The following TRPS1 variants were observed in gnomAD, a reference collection of about 807,000 sequenced individuals.
The protein encoded by TRPS1 is transcriptional repressor GATA binding 1, also known as zinc finger transcription factor Trps1.
In TRPS1, 6 loss-of-function variants were observed where a neutral mutation model predicts 101.2. That is an observed-to-expected ratio of 0.06 (90% CI 0.03 to 0.12). The LOEUF (loss-of-function observed/expected upper bound fraction) is 0.12. Among genes scored for constraint, TRPS1 ranks in the 10% least tolerant of loss-of-function variants. The pLI is 1.00. For missense variants in TRPS1, 1,363 were observed against 1,567.0 expected (o/e 0.87, Z 2.20); for synonymous variants, 578 against 589.8 (o/e 0.98, Z 0.29).
At chr8:115,538,033 T>C (rs951030291) in intron 5 of TRPS1, among the ~76,000 whole-genome samples, 1 of 152,188 alleles carries the variant, frequency 6.6e-6, no homozygotes, top group Non-Finnish European at 1.5e-5. Context: ...TTACTTAACT[T>C]AGTGGTACAA....
chr8:115,639,547 T>C lies in TRPS1; in HGVS notation c.-121-15789A>G, dbSNP rs184645294. Among the ~76,000 whole-genome samples, 478 of 150,530 alleles carry C rather than the reference T, an allele frequency of 3.2e-3. 2 individuals are homozygous for C. Among genetic ancestry groups the C allele is most frequent in the Non-Finnish European group, 4.6e-3 (312 of 67,744 alleles). On this transcript the variant is annotated intron_variant, in intron 1 of 6. Coordinates refer to ENST00000395715, the MANE Select transcript of TRPS1 (RefSeq NM_014112.5). ...TAAAAATACAGTATAAATCAAATAATGGCCAGGCGTGGTGGTTCACGCCTG... is the reference window on the plus strand; with the variant it reads ...TAAAAATACAGTATAAATCAAATAACGGCCAGGCGTGGTGGTTCACGCCTG...
chr8:115,503,193 G>A (rs1302296275), intron 5 of TRPS1, among the ~76,000 whole-genome samples: 6 of 149,806 alleles, frequency 4.0e-5, no homozygotes, highest in African/African-American at 1.5e-4. Context: ...GGCAGAGCTT[G>A]CAGTGAGCCG....
chr8:115,630,932 A>T (rs1179685421), intron 1 of TRPS1, among the ~76,000 whole-genome samples: 1 of 152,090 alleles, frequency 6.6e-6, no homozygotes, highest in African/African-American at 2.4e-5. Flanking sequence ...ACAAGAGAAC[A>T]CAATCTACAA....
At position 115,595,342 on chromosome 8, in the gene TRPS1, C is replaced by T. The variant is rs1563630445; in HGVS notation, c.2097-7738G>A. On this transcript the variant is annotated intron_variant, in intron 4 of 6. Coordinates refer to ENST00000395715, the MANE Select transcript of TRPS1 (RefSeq NM_014112.5). ...GAGAAGAGAGTAGCAGGAACAAAGA[C>T]AAAAACAGAATTACAGATGGATTAT... Among the ~76,000 whole-genome samples the T allele has an allele frequency of 2.0e-5, 3 of 151,792 alleles. 1 individual carries two copies. The highest frequency in any genetic ancestry group is 2.0e-4 in the Admixed American group (3 of 15,254).
At chr8:115,585,688 C>T (rs1378986014) in intron 5 of TRPS1, among the ~76,000 whole-genome samples, 1 of 152,124 alleles carries the variant, frequency 6.6e-6, no homozygotes, top group Non-Finnish European at 1.5e-5. Context: ...AAATTGAACC[C>T]CCTCTTGAAG....
intron 5 of TRPS1, among the ~76,000 whole-genome samples, chr8:115,550,037 G>A (rs1294047379): frequency 5.9e-5 from 9 of 152,162 alleles, no homozygotes; most frequent in Admixed American, 2.6e-4. Context: ...CCAACATGGC[G>A]AAACCCCATC....
intron 5 of TRPS1, among the ~76,000 whole-genome samples, chr8:115,491,743 C>A (rs1020841958): frequency 6.6e-6 from 1 of 152,092 alleles, no homozygotes; most frequent in Non-Finnish European, 1.5e-5. Flanking sequence ...GATACTGCTG[C>A]CCACCCTCAA....
At chr8:115,614,250 C>T (rs988035391) in intron 3 of TRPS1, among the ~76,000 whole-genome samples, 3 of 152,144 alleles carry the variant, frequency 2.0e-5, no homozygotes, top group Non-Finnish European at 1.5e-5. Flanking sequence ...TTGAATAATG[C>T]TAAATTTGAT....
intron 5 of TRPS1, among the ~76,000 whole-genome samples, chr8:115,446,371 CT>C (rs1813737289): frequency 6.6e-6 from 1 of 151,632 alleles, no homozygotes; most frequent in African/African-American, 2.4e-5. Flanking sequence ...GTTTCTTCCC[CT>C]GATCTCACAC....
chr8:115,645,074 A>G (rs1818993563), intron 1 of TRPS1, among the ~76,000 whole-genome samples: 1 of 152,218 alleles, frequency 6.6e-6, no homozygotes, highest in Admixed American at 6.5e-5. Flanking sequence ...TGACAAAGAG[A>G]CATAAGGTAA....
At chr8:115,567,076 T>C (rs1173307829) in intron 5 of TRPS1, among the ~76,000 whole-genome samples, 1 of 152,158 alleles carries the variant, frequency 6.6e-6, no homozygotes, top group Non-Finnish European at 1.5e-5. Flanking sequence ...TTGCCAACTA[T>C]GGCAGTTTAC....
intron 5 of TRPS1, among the ~76,000 whole-genome samples, chr8:115,500,178 C>A (rs1815279476): frequency 6.6e-6 from 1 of 151,722 alleles, no homozygotes; most frequent in Non-Finnish European, 1.5e-5. Context: ...TATAGGCACG[C>A]AGCACCACGC....
intron 3 of TRPS1, among the ~76,000 whole-genome samples, chr8:115,617,754 A>T (rs1175763091): frequency 6.6e-6 from 1 of 152,200 alleles, no homozygotes; most frequent in Non-Finnish European, 1.5e-5. Flanking sequence ...CAGTGAAATG[A>T]TCTTTAATAG....
At chr8:115,515,249 T>A (rs1301765313) in intron 5 of TRPS1, 1 of 698,210 alleles carries the variant, frequency 1.4e-6, no homozygotes, top group East Asian at 2.7e-5. Context: ...AAGACTAAAC[T>A]GCTCTTCGGG....
At chr8:115,442,712 A>T (rs1482232002) in intron 5 of TRPS1, among the ~76,000 whole-genome samples, 1 of 152,068 alleles carries the variant, frequency 6.6e-6, no homozygotes, top group African/African-American at 2.4e-5. Flanking sequence ...CTGTAATTCC[A>T]GCACTTTGGG....
intron 1 of TRPS1, among the ~76,000 whole-genome samples, chr8:115,650,317 C>G (rs1391597720): frequency 6.6e-6 from 1 of 152,140 alleles, no homozygotes; most frequent in Non-Finnish European, 1.5e-5. Flanking sequence ...ATGCAATTAG[C>G]TAAGGTTTCT....
intron 5 of TRPS1, among the ~76,000 whole-genome samples, chr8:115,479,094 C>T (rs1473495205): frequency 1.3e-5 from 2 of 151,794 alleles, no homozygotes; most frequent in Non-Finnish European, 1.5e-5. Flanking sequence ...GGCATAATTT[C>T]CTGGCATGCC....
intron 1 of TRPS1, among the ~76,000 whole-genome samples, chr8:115,626,386 A>G (rs1354465338): frequency 6.6e-6 from 1 of 151,690 alleles, no homozygotes; most frequent in Non-Finnish European, 1.5e-5. Flanking sequence ...TTGTTTATCC[A>G]ATTCACAAAC....
chr8:115,550,087 G>A (rs555584819), intron 5 of TRPS1, among the ~76,000 whole-genome samples: 1 of 152,050 alleles, frequency 6.6e-6, no homozygotes, highest in African/African-American at 2.4e-5. Flanking sequence ...CGTGGTGGTG[G>A]GCACCTGTAA....
Sources: allele counts gnomAD v4.1 joint callset (sites outside exome capture counted in the v4.1 genomes callset), GRCh38; gene constraint gnomAD v4.1.1; transcripts MANE v1.5; gene names NCBI Gene and HGNC (gene_info 2026-07-23, HGNC 2026-07-21).